SLC27A5: variants seen among roughly 807,000 people sequenced by gnomAD.
SLC27A5 encodes long-chain fatty acid transport protein 5.
In SLC27A5, 47 loss-of-function variants were observed where a neutral mutation model predicts 63.1. That is an observed-to-expected ratio of 0.74 (90% CI 0.59 to 0.95). SLC27A5 has a LOEUF of 0.95. Among genes scored for constraint, SLC27A5 ranks in the 40% least tolerant of loss-of-function variants. The pLI, the probability that SLC27A5 is intolerant of heterozygous loss-of-function variation, is 0.00. For missense variants in SLC27A5, 940 were observed against 921.0 expected, an observed-to-expected ratio of 1.02 and a Z score of -0.27; for synonymous variants, 391 against 403.8, an observed-to-expected ratio of 0.97 and a Z score of 0.38.
In SLC27A5 at chr19:58,498,381, G is replaced by A; in HGVS notation, c.*134C>T. The A allele has an allele frequency of 1.1e-6, 1 of 874,200 alleles. No homozygotes were observed. Among genetic ancestry groups the A allele is most frequent in the Non-Finnish European group, 1.7e-6 (1 of 583,404 alleles). 54.2% of individuals were successfully genotyped at this position (874,200 alleles called of 1,614,324 possible). Reference sequence around the variant, plus strand: ...TTCTGCCACTGCTACAGGGCCCACTGTCATTTCCAGCCCACTGAGGTTGAG... The same window carrying A: ...TTCTGCCACTGCTACAGGGCCCACTATCATTTCCAGCCCACTGAGGTTGAG... On this transcript the variant is annotated 3_prime_UTR_variant, in exon 10 of 10. Transcript: ENST00000263093.
intron 3 of SLC27A5, among the ~76,000 whole-genome samples, chr19:58,504,921 G>C (rs940764479): frequency 2.0e-5 from 3 of 150,628 alleles, no homozygotes; most frequent in Admixed American, 2.0e-4. Context: ...CAGGAGAATG[G>C]CATGAACCCA....
intron 7 of SLC27A5, 38 bp from the exon 8 acceptor site, chr19:58,499,258 G>C (rs776031430): frequency 3.2e-6 from 5 of 1,587,038 alleles, no homozygotes; most frequent in African/African-American, 2.7e-5. Context: ...CCACGCCCCC[G>C]GGAAGGAGAG....
intron 3 of SLC27A5, among the ~76,000 whole-genome samples, chr19:58,504,042 G>C (rs2053313978): frequency 6.6e-6 from 1 of 152,114 alleles, no homozygotes. Context: ...TTGAACCCAG[G>C]AGGCAGAGGT....
chr19:58,511,209 C>T (rs2053406389), intron 1 of SLC27A5, 59 bp downstream of exon 1: 1 of 1,480,010 alleles, frequency 6.8e-7, no homozygotes, highest in Admixed American at 2.3e-5. Flanking sequence ...AGCAGAACCC[C>T]TGTCCTATAG....
chr19:58,511,292 C>A lies in SLC27A5; in HGVS notation c.664G>T (p.Ala222Ser). Residue 222 changes from alanine to serine, a missense_variant, in exon 1 of 10, where the codon GCC becomes TCC. Ala to Ser is a moderately conservative substitution (Grantham distance 99). Coordinates refer to ENST00000263093, the MANE Select transcript of SLC27A5 (RefSeq NM_012254.3). ...PLAHSVLSSG[A>S]RVLVVDPDLR... ...CCTGGGTCCACCACCAGCACCCGGG[C>A]CCCAGAGCTCAGCACAGAGTGCGCC... The A allele has an allele frequency of 1.3e-6, 2 of 1,558,248 alleles. No homozygotes were observed. The highest frequency in any genetic ancestry group is 1.2e-5 in the South Asian group (1 of 85,052).
chr19:58,499,434 G>T (rs2053247097), intron 7 of SLC27A5, 58 bp downstream of exon 7: 7 of 1,574,162 alleles, frequency 4.4e-6, no homozygotes, highest in Middle Eastern at 1.7e-4. Context: ...CTCCCTCTAG[G>T]ATCTGAAAGC....
rs1332505904 is a variant in SLC27A5, at chr19:58,499,135, C to G, written c.1753G>C (p.Val585Leu). ...GAACCCTCCGCACCTGGCACGCACA[C>G]GCCATACACGTTAACCTGTTGCAAG... The part of the protein sequence containing the change: ...DFLQQVNVYG[V>L]CVPGCEGKVG... The change falls in exon 8 of 10, where the codon GTG becomes CTG. Residue 585 changes from valine to leucine, a missense_variant. By Grantham distance (32) the Val-to-Leu change is conservative. Coordinates refer to ENST00000263093, the MANE Select transcript of SLC27A5 (RefSeq NM_012254.3). The G allele has an allele frequency of 7.4e-6, 12 of 1,613,906 alleles. No homozygotes were observed.
rs187153705 is a variant in SLC27A5 at position 58,499,841 on chromosome 19, A to G, written c.1469-151T>C. Reference sequence around the variant, plus strand: ...AGGGAGATCCAGAGATGAGAGAGACATTCAGAGACCTTGAGAGACTGCGAC... The same window carrying G: ...AGGGAGATCCAGAGATGAGAGAGACGTTCAGAGACCTTGAGAGACTGCGAC... On this transcript the variant is annotated intron_variant, in intron 6 of 9. Coordinates refer to ENST00000263093, the MANE Select transcript of SLC27A5 (RefSeq NM_012254.3). 10 of 710,960 alleles carry G rather than the reference A, an allele frequency of 1.4e-5. No homozygotes were observed. The Admixed American group carries it at 1.7e-4, about 12-fold the overall frequency. The allele number at this position is 710,960 out of a possible 1,614,324, so 44.0% of individuals were successfully genotyped here. A position where few individuals can be genotyped will look rare whatever the true frequency, so the allele number is the denominator to read the frequency against.
At chr19:58,509,813 T>C (rs2122525709) in intron 3 of SLC27A5, 34 bp downstream of exon 3, 2 of 1,591,546 alleles carry the variant, frequency 1.3e-6, no homozygotes, top group African/African-American at 1.3e-5. Flanking sequence ...CCCGTGGTCC[T>C]GTAGACTGGA....
chr19:58,498,677 G>T lies in SLC27A5; in HGVS notation c.1911C>A (p.Val637=), dbSNP rs2053236479. Residue 637 remains valine (V), a synonymous_variant, in exon 10 of 10, where the codon GTC becomes GTA. Transcript: ENST00000263093. ...HFIRIQDAME[V]TSTFKLMKTR... The stretch of plus-strand genomic sequence containing the variant: ...TCTTCATCAGTTTGAACGTGCTGGT[G>T]ACCTCCATGGCGTCCTGCAGGGCAG... 6.2e-7 allele frequency: 1 copy of T among 1,613,994 alleles called. No homozygotes were observed. The highest frequency in any genetic ancestry group is 2.2e-5 in the East Asian group (1 of 44,884).
Position 58,501,322 on chromosome 19 carries a change from C to T in SLC27A5, c.1146G>A (p.Val382=). The T allele has an allele frequency of 6.2e-7, 1 of 1,613,770 alleles. No individual in the cohort carries two copies. The highest frequency in any genetic ancestry group is 1.1e-5 in the South Asian group (1 of 91,062). Residue 382 remains valine (V), a synonymous_variant, in exon 4 of 10, where the codon GTG becomes GTA. Coordinates refer to ENST00000263093, the MANE Select transcript of SLC27A5 (RefSeq NM_012254.3). The part of the protein sequence containing the change: ...RQHGVTVILY[V]GELLRYLCNI... Reference sequence around the variant, plus strand: ...TACACAAGTACCGCAGGAGCTCGCCCACATACAGGATCACTGTCACGCCAT... The same window carrying T: ...TACACAAGTACCGCAGGAGCTCGCCTACATACAGGATCACTGTCACGCCAT...
At chr19:58,503,346 C>T (rs890891539) in intron 3 of SLC27A5, among the ~76,000 whole-genome samples, 10 of 151,264 alleles carry the variant, frequency 6.6e-5, no homozygotes, top group Non-Finnish European at 8.8e-5. Flanking sequence ...GTTGTATTGA[C>T]GTATGGACAC....
rs371777903 is a variant in SLC27A5, at chr19:58,511,875, G to T, written c.81C>A (p.Val27=). Reference sequence around the variant, plus strand: ...GCCAGCGCAGGGTCAAGGCCACAGCGACTGGCCACACTGGCTGCCCCAGGC... The same window carrying T: ...GCCAGCGCAGGGTCAAGGCCACAGCTACTGGCCACACTGGCTGCCCCAGGC... ...LWGLGQPVWP[V]AVALTLRWLL... is the part of the protein sequence containing the mutation. Residue 27 remains valine (V), a synonymous_variant, in exon 1 of 10, where the codon GTC becomes GTA. Coordinates refer to ENST00000263093, the MANE Select transcript of SLC27A5 (RefSeq NM_012254.3). 22 of 1,552,888 alleles carry T rather than the reference G, an allele frequency of 1.4e-5. No individual in the cohort carries two copies. The African/African-American group carries it at 2.2e-4, about 15-fold the overall frequency.
At chr19:58,510,617 G>C (rs945120090) in intron 2 of SLC27A5, 104 bp downstream of exon 2, 2 of 980,796 alleles carry the variant, frequency 2.0e-6, no homozygotes, top group African/African-American at 3.4e-5. Context: ...CAAAATCAGA[G>C]GGTAAAGTGG....
At chr19:58,506,178 TG>T (rs1197663601) in intron 3 of SLC27A5, among the ~76,000 whole-genome samples, 1 of 151,906 alleles carries the variant, frequency 6.6e-6, no homozygotes, top group African/African-American at 2.4e-5. Flanking sequence ...CCTCCTGCCT[TG>T]GTACCCCAAA....
intron 4 of SLC27A5, 24 bp from the exon 5 acceptor site, chr19:58,500,730 T>C: frequency 6.2e-7 from 1 of 1,602,366 alleles, no homozygotes. Context: ...CCCAGAAGGG[T>C]GAGGAGGAGG....
rs557244042 is a variant in SLC27A5, at chr19:58,498,495, C to T, written c.*20G>A. ...GGGGTGGCTGGCTTTGATCCCTACC[C>T]CAGTGGGTTGGCCAGGTGATCAGAG... On this transcript the variant is annotated 3_prime_UTR_variant, in exon 10 of 10. Transcript: ENST00000263093. The T allele has an allele frequency of 1.3e-6, 2 of 1,598,548 alleles. No individual in the cohort carries two copies. The highest frequency in any genetic ancestry group is 1.7e-6 in the Non-Finnish European group (2 of 1,170,164).
intron 3 of SLC27A5, among the ~76,000 whole-genome samples, chr19:58,502,770 G>A (rs2053293376): frequency 1.3e-5 from 2 of 150,628 alleles, no homozygotes; most frequent in Admixed American, 1.3e-4. Flanking sequence ...TAGATGGATG[G>A]GTGGACAGTT....
In SLC27A5 at chr19:58,511,215, T is replaced by TATAGTCCCTGCCCTTGCCCC. The variant is rs1198656425; in HGVS notation, c.688+33_688+52dup. On this transcript the variant is annotated intron_variant, in intron 1 of 9. Transcript: ENST00000263093. ...GCCAGTCCCAGCAGAACCCCTGTCC[T>TATAGTCCCTGCCCTTGCCCC]ATAGTCCCTGCCCTTGCCCCCTTCC... is the stretch of plus-strand genomic sequence containing the variant. The TATAGTCCCTGCCCTTGCCCC allele has an allele frequency of 2.5e-5, 38 of 1,490,198 alleles. No homozygotes were observed. In the Admixed American group the frequency reaches 3.8e-4, roughly 15 times the overall value. 92.3% of individuals were successfully genotyped at this position (1,490,198 alleles called of 1,614,324 possible).
Sources: allele counts gnomAD v4.1 joint callset (sites outside exome capture counted in the v4.1 genomes callset), GRCh38; gene constraint gnomAD v4.1.1; transcripts MANE v1.5; gene names NCBI Gene and HGNC (gene_info 2026-07-23, HGNC 2026-07-21).